The following RIT2 variants were observed in gnomAD, a reference collection of about 807,000 sequenced individuals.
RIT2 encodes the protein Ras like without CAAX 2.
A neutral mutation model predicts 23.7 loss-of-function variants in RIT2; 24 were observed. That is an observed-to-expected ratio of 1.01 (90% confidence interval 0.73 to 1.43). The LOEUF (loss-of-function observed/expected upper bound fraction) is 1.43. Ranked by LOEUF, RIT2 falls within the 40% of genes most tolerant of loss-of-function variation. RIT2 has a pLI of 0.00. For synonymous variants in RIT2, 107 were observed against 91.1 expected, an observed-to-expected ratio of 1.17 and a Z score of -0.99; for missense variants, 236 against 266.9, an observed-to-expected ratio of 0.88 and a Z score of 0.81.
chr18:42,939,040 C>T (rs1438931197), intron 3 of RIT2, among the ~76,000 whole-genome samples: 1 of 152,102 alleles, frequency 6.6e-6, no homozygotes, highest in Admixed American at 6.6e-5. Flanking sequence ...GAAGCACCAC[C>T]CCAGGCCAAT....
intron 1 of RIT2, among the ~76,000 whole-genome samples, chr18:43,036,516 G>A (rs769529398): frequency 2.6e-5 from 4 of 152,026 alleles, no homozygotes; most frequent in Non-Finnish European, 5.9e-5. Context: ...CTCCAGCCTG[G>A]GTGACACAGC....
intron 4 of RIT2, among the ~76,000 whole-genome samples, chr18:42,753,869 A>T (rs879647160): frequency 2.6e-5 from 4 of 152,148 alleles, no homozygotes; most frequent in Non-Finnish European, 4.4e-5. Flanking sequence ...GAGTTACTTT[A>T]AAAAAAGAAA....
chr18:43,072,924 C>T (rs1912930445), intron 1 of RIT2, among the ~76,000 whole-genome samples: 1 of 152,170 alleles, frequency 6.6e-6, no homozygotes, highest in African/African-American at 2.4e-5. Flanking sequence ...AAGCATAATT[C>T]TCCTCCTCAA....
At chr18:43,010,275 A>T (rs1314309540) in intron 2 of RIT2, among the ~76,000 whole-genome samples, 1 of 151,826 alleles carries the variant, frequency 6.6e-6, no homozygotes, top group Non-Finnish European at 1.5e-5. Context: ...CAGTCCTCTA[A>T]TAGAAAGGAA....
intron 4 of RIT2, among the ~76,000 whole-genome samples, chr18:42,810,894 GTCTGCTCTCTAAATCTGAACTTGAAGCT>G (rs1568002092): frequency 6.6e-6 from 1 of 151,874 alleles, no homozygotes; most frequent in African/African-American, 2.4e-5. Context: ...TCCTAGCATT[GTCTGCTCTCTAAATCTGAACTTGAAGCT>G]TCAGATAAAT....
chr18:43,004,550 G>A lies in RIT2; in HGVS notation c.160+29261C>T, dbSNP rs542818992. Among the ~76,000 whole-genome samples, 4 of 151,958 alleles carry A rather than the reference G, an allele frequency of 2.6e-5. No individual in the cohort carries two copies. The South Asian group carries it at 6.2e-4, about 24-fold the overall frequency. On this transcript the variant is annotated intron_variant, in intron 2 of 4. Transcript: ENST00000326695. Reference sequence around the variant, plus strand: ...TTAAATCTACTGGGAGGCCTCAAATGCCTCCAGTGTGCCCGACACTTTCTG... The same window carrying A: ...TTAAATCTACTGGGAGGCCTCAAATACCTCCAGTGTGCCCGACACTTTCTG...
At chr18:43,060,273 A>G (rs930421911) in intron 1 of RIT2, among the ~76,000 whole-genome samples, 11 of 152,144 alleles carry the variant, frequency 7.2e-5, no homozygotes, top group African/African-American at 2.7e-4. Context: ...CCTGTCCAGT[A>G]TTACTCTGCC....
chr18:42,925,580 G>T (rs1197784516), intron 3 of RIT2, among the ~76,000 whole-genome samples: 1 of 151,722 alleles, frequency 6.6e-6, no homozygotes, highest in Non-Finnish European at 1.5e-5. Context: ...CAGTACTAAA[G>T]TTTTTGATTT....
At chr18:43,097,378 G>A (rs753442438) in intron 1 of RIT2, among the ~76,000 whole-genome samples, 1 of 151,796 alleles carries the variant, frequency 6.6e-6, no homozygotes, top group Admixed American at 6.6e-5. Flanking sequence ...ATACAAATCC[G>A]AATATGTTAA....
chr18:42,899,849 A>C (rs923720927), intron 4 of RIT2, among the ~76,000 whole-genome samples: 1 of 152,134 alleles, frequency 6.6e-6, no homozygotes, highest in Non-Finnish European at 1.5e-5. Context: ...CAAGGTAAAG[A>C]AGCAGCCTCA....
At chr18:43,036,977 T>G (rs1911995863) in intron 1 of RIT2, among the ~76,000 whole-genome samples, 2 of 152,246 alleles carry the variant, frequency 1.3e-5, no homozygotes, top group African/African-American at 4.8e-5. Context: ...TGTTACACAG[T>G]TTTATATCCT....
intron 4 of RIT2, among the ~76,000 whole-genome samples, chr18:42,884,811 G>A (rs573770334): frequency 1.3e-5 from 2 of 152,282 alleles, no homozygotes; most frequent in East Asian, 3.9e-4. Flanking sequence ...TGGTTATAGT[G>A]CAATTAGTGG....
intron 2 of RIT2, among the ~76,000 whole-genome samples, chr18:43,000,540 T>C (rs1911079581): frequency 6.6e-6 from 1 of 152,012 alleles, no homozygotes; most frequent in Admixed American, 6.6e-5. Flanking sequence ...TATTGATAAG[T>C]GATATGGTTT....
Position 43,076,746 on chromosome 18 carries a change from TAA to T in RIT2, c.103+38669_103+38670del, listed in dbSNP as rs529521318. On this transcript the variant is annotated intron_variant, in intron 1 of 4. Transcript: ENST00000326695. Reference sequence around the variant, plus strand: ...CTCATGATACCAGATGATCTAGACATAAGTTAAATCCTAAGAGAGACATTCAG... The same window carrying T: ...CTCATGATACCAGATGATCTAGACATGTTAAATCCTAAGAGAGACATTCAG... Among the ~76,000 whole-genome samples the T allele has an allele frequency of 1.1e-4, 16 of 152,202 alleles. No homozygotes were observed. The South Asian group carries it at 3.3e-3, about 32-fold the overall frequency.
At chr18:43,083,177 G>A (rs561298650) in intron 1 of RIT2, among the ~76,000 whole-genome samples, 5 of 152,262 alleles carry the variant, frequency 3.3e-5, no homozygotes, top group East Asian at 1.9e-4. Flanking sequence ...TACAAGGGAC[G>A]TGAAGGACTT....
In RIT2 at chr18:42,998,543, G is replaced by T. The variant is rs1047310482; in HGVS notation, c.161-24396C>A. ...GCTGAATCTGATTTTCTGGAAATAG[G>T]TTTTGGATTTTTTTTTAAAAAGATC... On this transcript the variant is annotated intron_variant, in intron 2 of 4. Transcript: ENST00000326695. Among the ~76,000 whole-genome samples the T allele has an allele frequency of 5.3e-5, 8 of 152,060 alleles. 1 individual carries two copies. The South Asian group carries it at 1.7e-3, about 31-fold the overall frequency.
intron 1 of RIT2, among the ~76,000 whole-genome samples, chr18:43,101,184 G>T (rs377560334): frequency 6.6e-6 from 1 of 151,988 alleles, no homozygotes; most frequent in South Asian, 2.1e-4. Context: ...TTGTTCATAC[G>T]TATGTTAAAT....
chr18:42,940,258 A>ATATAT lies in RIT2; in HGVS notation c.235-16500_235-16496dup, dbSNP rs1555648062. Among the ~76,000 whole-genome samples, 548 of 140,562 alleles carry ATATAT rather than the reference A, an allele frequency of 3.9e-3. 14 individuals carry two copies. Among genetic ancestry groups the ATATAT allele is most frequent in the African/African-American group, 0.015 (532 of 36,234 alleles). 92.2% of individuals were successfully genotyped at this position (140,562 alleles called of 152,430 possible). A position where few individuals can be genotyped will look rare whatever the true frequency, so the allele number is the denominator to read the frequency against. On this transcript the variant is annotated intron_variant, in intron 3 of 4. Transcript: ENST00000326695. ...TCACTATATATATATATATATATAT[A>ATATAT]TATATATATATGCACACACACATTT...
At chr18:42,913,315 C>T (rs371525057) in intron 4 of RIT2, among the ~76,000 whole-genome samples, 12 of 151,470 alleles carry the variant, frequency 7.9e-5, no homozygotes, top group East Asian at 1.9e-4. Flanking sequence ...TGGGTACCTA[C>T]GACTGACTAG....
Sources: gnomAD v4.1 joint callset for allele counts (sites outside exome capture counted in the v4.1 genomes callset) on GRCh38, gnomAD v4.1.1 for gene constraint, MANE v1.5 for transcripts, NCBI Gene and HGNC (gene_info 2026-07-23, HGNC 2026-07-21) for gene names.